The following TIAM1 variants were observed in gnomAD, a reference collection of about 807,000 sequenced individuals.
TIAM1 encodes TIAM Rac1 associated GEF 1.
Under a neutral mutation model 163.5 loss-of-function variants are expected in TIAM1, and 65 were observed. That is an observed-to-expected ratio of 0.40 (90% CI 0.33 to 0.49). The LOEUF is 0.49. Ranked by LOEUF, TIAM1 falls within the 20% of genes least tolerant of loss-of-function variation. TIAM1 has a pLI of 0.77. For missense variants in TIAM1, 1,789 were observed against 2,044.7 expected, an observed-to-expected ratio of 0.87 and a Z score of 2.41; for synonymous variants, 833 against 810.1, an observed-to-expected ratio of 1.03 and a Z score of -0.48.
intron 2 of TIAM1, among the ~76,000 whole-genome samples, chr21:31,393,507 C>A (rs1182215430): frequency 3.3e-5 from 5 of 152,184 alleles, no homozygotes; most frequent in African/African-American, 9.7e-5. Flanking sequence ...GAGCTGAATG[C>A]AGTCACATCG....
chr21:31,499,795 A>G (rs1475981913), intron 1 of TIAM1, among the ~76,000 whole-genome samples: 2 of 151,774 alleles, frequency 1.3e-5, no homozygotes, highest in Non-Finnish European at 2.9e-5. Flanking sequence ...GGTTGCAGTG[A>G]GCCAAGATCG....
intron 2 of TIAM1, among the ~76,000 whole-genome samples, chr21:31,446,938 T>C (rs999049195): frequency 6.6e-6 from 1 of 152,200 alleles, no homozygotes; most frequent in African/African-American, 2.4e-5. Context: ...GAGACATTCT[T>C]GGAAATTCTG....
intron 2 of TIAM1, among the ~76,000 whole-genome samples, chr21:31,372,210 T>G (rs544775932): frequency 1.3e-5 from 2 of 152,248 alleles, no homozygotes; most frequent in South Asian, 4.2e-4. Context: ...ATTAAAAATG[T>G]AGGAAAACAT....
At chr21:31,165,153 G>A (rs535892519) in intron 15 of TIAM1, 88 bp from the exon 16 acceptor site, 15 of 1,165,220 alleles carry the variant, frequency 1.3e-5, no homozygotes, top group East Asian at 2.4e-5. Flanking sequence ...AAGGAATCTC[G>A]CTCATGACAT....
At chr21:31,210,948 A>T (rs1038383713) in intron 10 of TIAM1, among the ~76,000 whole-genome samples, 1 of 146,822 alleles carries the variant, frequency 6.8e-6, no homozygotes, top group Non-Finnish European at 1.5e-5. Context: ...AGCCCCAATC[A>T]TTTTTTTTTT....
intron 16 of TIAM1, among the ~76,000 whole-genome samples, chr21:31,155,372 G>A (rs1186070793): frequency 6.6e-6 from 1 of 152,186 alleles, no homozygotes; most frequent in African/African-American, 2.4e-5. Context: ...GAATCTCTGG[G>A]GTGGGATATG....
intron 2 of TIAM1, among the ~76,000 whole-genome samples, chr21:31,419,952 G>A (rs2043507659): frequency 6.6e-6 from 1 of 152,222 alleles, no homozygotes; most frequent in Non-Finnish European, 1.5e-5. Flanking sequence ...GGGAGGCTGA[G>A]GCAGGAGAAT....
chr21:31,143,473 C>T (rs771323451), intron 20 of TIAM1, among the ~76,000 whole-genome samples: 12 of 150,814 alleles, frequency 8.0e-5, no homozygotes, highest in Non-Finnish European at 1.8e-4. Context: ...TATACACACA[C>T]ACACACGTAT....
intron 2 of TIAM1, among the ~76,000 whole-genome samples, chr21:31,411,936 G>A (rs1366768210): frequency 5.3e-5 from 8 of 151,940 alleles, no homozygotes; most frequent in Admixed American, 3.3e-4. Flanking sequence ...GAAACAAGAC[G>A]GCTACCCAAA....
intron 19 of TIAM1, among the ~76,000 whole-genome samples, chr21:31,149,842 T>A (rs1329749584): frequency 6.6e-6 from 1 of 152,216 alleles, no homozygotes; most frequent in Non-Finnish European, 1.5e-5. Context: ...ACCTAACTTA[T>A]TTCAAATGAA....
chr21:31,448,636 C>T (rs1479629389), intron 2 of TIAM1, among the ~76,000 whole-genome samples: 1 of 148,508 alleles, frequency 6.7e-6, no homozygotes, highest in African/African-American at 2.5e-5. Flanking sequence ...ACAAGAAGTG[C>T]AAATTGGAGA....
intron 1 of TIAM1, among the ~76,000 whole-genome samples, chr21:31,507,108 A>T (rs1323575677): frequency 3.4e-5 from 5 of 148,564 alleles, no homozygotes; most frequent in Non-Finnish European, 7.4e-5. Context: ...TTGGGTAGAG[A>T]CCCAGAAGTG....
intron 1 of TIAM1, among the ~76,000 whole-genome samples, chr21:31,526,414 C>A (rs2147506829): frequency 6.6e-6 from 1 of 152,320 alleles, no homozygotes; most frequent in East Asian, 1.9e-4. Flanking sequence ...TATCTATGCT[C>A]AGGGGCTCCA....
intron 6 of TIAM1, among the ~76,000 whole-genome samples, chr21:31,244,774 T>C (rs1407929049): frequency 6.6e-6 from 1 of 152,188 alleles, no homozygotes; most frequent in Non-Finnish European, 1.5e-5. Context: ...TCAATAGCAC[T>C]ATGCAGAGCA....
intron 16 of TIAM1, among the ~76,000 whole-genome samples, 154 bp downstream of exon 16, chr21:31,164,808 G>A (rs2084126571): frequency 6.6e-6 from 1 of 152,154 alleles, no homozygotes; most frequent in African/African-American, 2.4e-5. Flanking sequence ...GCTATAATTT[G>A]GATTTCATTT....
chr21:31,121,640 T>C (rs1601154075), intron 27 of TIAM1, among the ~76,000 whole-genome samples: 1 of 152,188 alleles, frequency 6.6e-6, no homozygotes, highest in East Asian at 1.9e-4. Flanking sequence ...GCAATTAACA[T>C]ATCAGTGCCT....
At chr21:31,465,366 T>C (rs2045484826) in intron 1 of TIAM1, among the ~76,000 whole-genome samples, 1 of 152,114 alleles carries the variant, frequency 6.6e-6, no homozygotes, top group Admixed American at 6.5e-5. Flanking sequence ...TAGCTGGGAC[T>C]ACAGGCATGT....
intron 3 of TIAM1, among the ~76,000 whole-genome samples, chr21:31,274,824 T>C (rs1309949446): frequency 6.6e-6 from 1 of 152,150 alleles, no homozygotes; most frequent in Non-Finnish European, 1.5e-5. Flanking sequence ...AATATTAAGA[T>C]GTGGCTGGGG....
At chr21:31,480,562 T>C (rs371466844) in intron 1 of TIAM1, among the ~76,000 whole-genome samples, 1 of 152,118 alleles carries the variant, frequency 6.6e-6, no homozygotes. Flanking sequence ...AACCACCACA[T>C]TGCCGCATGC....
Sources: gnomAD v4.1 joint callset for allele counts (sites outside exome capture counted in the v4.1 genomes callset) on GRCh38, gnomAD v4.1.1 for gene constraint, MANE v1.5 for transcripts, NCBI Gene and HGNC (gene_info 2026-07-23, HGNC 2026-07-21) for gene names.